Variants in SUSD3 observed in about 807,000 individuals in gnomAD.
The protein encoded by SUSD3 is sushi domain containing 3.
Under a neutral mutation model 20.6 loss-of-function variants are expected in SUSD3, and 18 were observed. The observed-to-expected ratio is 0.87, with a 90% CI of 0.60 to 1.30. SUSD3 has a LOEUF of 1.30. Ranked by LOEUF, SUSD3 falls within the 50% of genes most tolerant of loss-of-function variation. SUSD3 has a pLI of 0.00. For missense variants in SUSD3, 306 were observed against 346.9 expected (o/e 0.88, Z 0.94); for synonymous variants, 137 against 141.5 (o/e 0.97, Z 0.23).
intron 1 of SUSD3, among the ~76,000 whole-genome samples, chr9:93,071,577 G>T (rs1305157574): frequency 6.6e-6 from 1 of 152,128 alleles, no homozygotes; most frequent in Non-Finnish European, 1.5e-5. Context: ...CCAGTCCACC[G>T]ACGCAAATGT....
At chr9:93,075,202 G>T (rs972983681) in intron 1 of SUSD3, among the ~76,000 whole-genome samples, 9 of 151,810 alleles carry the variant, frequency 5.9e-5, no homozygotes, top group African/African-American at 2.2e-4. Context: ...GAACTTGTTG[G>T]TTTTTTTTAA....
At chr9:93,078,885 C>T (rs140449241) in intron 3 of SUSD3, among the ~76,000 whole-genome samples, 35 of 152,168 alleles carry the variant, frequency 2.3e-4, no homozygotes, top group African/African-American at 8.2e-4. Flanking sequence ...CTGCAAGCTC[C>T]ACCTCCTGGG....
At chr9:93,079,668 C>G (rs1213822849) in intron 4 of SUSD3, 66 bp downstream of exon 4, 6 of 1,559,132 alleles carry the variant, frequency 3.8e-6, no homozygotes, top group Non-Finnish European at 5.2e-6. Flanking sequence ...AGGCCCCGGG[C>G]CACCTGCTGC....
At chr9:93,068,328 G>C (rs534167001) in intron 1 of SUSD3, among the ~76,000 whole-genome samples, 1 of 152,222 alleles carries the variant, frequency 6.6e-6, no homozygotes, top group East Asian at 1.9e-4. Flanking sequence ...CATAGTTTTA[G>C]CTCTTACTTT....
chr9:93,066,446 C>T (rs919418647), intron 1 of SUSD3, among the ~76,000 whole-genome samples: 8 of 152,194 alleles, frequency 5.3e-5, no homozygotes, highest in East Asian at 1.9e-4. Flanking sequence ...ATTGGTCAGG[C>T]GGGTCTCAAA....
intron 1 of SUSD3, among the ~76,000 whole-genome samples, chr9:93,066,415 G>A (rs1205729765): frequency 6.6e-6 from 1 of 152,150 alleles, no homozygotes; most frequent in Admixed American, 6.5e-5. Flanking sequence ...TGTATTTTTA[G>A]TAGAGACAGG....
chr9:93,078,124 C>A, intron 3 of SUSD3, 131 bp downstream of exon 3: 1 of 1,277,528 alleles, frequency 7.8e-7, no homozygotes, highest in East Asian at 2.4e-5. Flanking sequence ...CACTGCTGCT[C>A]TGGGCCTGCG....
chr9:93,078,138 C>G (rs1242923509), intron 3 of SUSD3, 145 bp downstream of exon 3: 15 of 1,135,748 alleles, frequency 1.3e-5, no homozygotes, highest in Non-Finnish European at 1.6e-5. Flanking sequence ...GCCTGCGTCT[C>G]CCCCCCAAGT....
chr9:93,065,911 GC>G (rs1455400979), intron 1 of SUSD3, among the ~76,000 whole-genome samples: 1 of 152,242 alleles, frequency 6.6e-6, no homozygotes, highest in Admixed American at 6.5e-5. Flanking sequence ...GCCACTGGGA[GC>G]TAGGTGACCC....
At chr9:93,066,467 C>A (rs1825715571) in intron 1 of SUSD3, among the ~76,000 whole-genome samples, 1 of 152,152 alleles carries the variant, frequency 6.6e-6, no homozygotes, top group Non-Finnish European at 1.5e-5. Context: ...CTGCTGACCT[C>A]ATGATCCGCC....
chr9:93,075,013 CG>C (rs1250125957), intron 1 of SUSD3, among the ~76,000 whole-genome samples: 2 of 152,158 alleles, frequency 1.3e-5, no homozygotes, highest in Non-Finnish European at 2.9e-5. Flanking sequence ...TACCCCAGCC[CG>C]GGTACAGGGC....
At chr9:93,069,463 G>A (rs1407303598) in intron 1 of SUSD3, among the ~76,000 whole-genome samples, 1 of 152,178 alleles carries the variant, frequency 6.6e-6, no homozygotes, top group Non-Finnish European at 1.5e-5. Context: ...ATGAGCATAG[G>A]ATGTTTTCCC....
At chr9:93,068,170 T>TA (rs1825784724) in intron 1 of SUSD3, among the ~76,000 whole-genome samples, 1 of 152,250 alleles carries the variant, frequency 6.6e-6, no homozygotes, top group East Asian at 1.9e-4. Context: ...TCTTTTCACT[T>TA]TATTGAATGT....
At chr9:93,060,606 G>A (rs919838720) in intron 1 of SUSD3, among the ~76,000 whole-genome samples, 4 of 152,048 alleles carry the variant, frequency 2.6e-5, no homozygotes, top group East Asian at 1.9e-4. Flanking sequence ...TGAGGTGGGC[G>A]GATTGCTTGA....
At chr9:93,072,646 C>G (rs2118955880) in intron 1 of SUSD3, among the ~76,000 whole-genome samples, 1 of 152,268 alleles carries the variant, frequency 6.6e-6, no homozygotes, top group Admixed American at 6.5e-5. Context: ...AGTGATATGT[C>G]TCGCAGATAA....
intron 3 of SUSD3, among the ~76,000 whole-genome samples, 169 bp downstream of exon 3, chr9:93,078,162 C>T (rs1349125893): frequency 6.6e-6 from 1 of 152,252 alleles, no homozygotes; most frequent in African/African-American, 2.4e-5. Flanking sequence ...GCTCCCGGCC[C>T]ACGCAGCAGC....
At position 93,084,650 on chromosome 9, in the gene SUSD3, A is replaced by G; in HGVS notation, c.671A>G (p.Gln224Arg). The change falls in exon 5 of 5, where the codon CAG becomes CGG. Residue 224 changes from glutamine (Q) to arginine (R), a missense_variant. Physicochemically the swap from Gln to Arg is conservative, Grantham distance 43. Transcript: ENST00000375472. ...LSGSSSSPQA[Q>R]VMVHMANPRQ... ...GGCTCCTCCAGCTCACCCCAAGCCC[A>G]GGTGATGGTGCACATGGCAAACCCC... The G allele has an allele frequency of 6.2e-7, 1 of 1,608,988 alleles. No individual in the cohort carries two copies. Among genetic ancestry groups the G allele is most frequent in the Non-Finnish European group, 8.5e-7 (1 of 1,177,658 alleles).
chr9:93,061,710 G>T (rs1825511731), intron 1 of SUSD3, among the ~76,000 whole-genome samples: 1 of 152,204 alleles, frequency 6.6e-6, no homozygotes, highest in Admixed American at 6.5e-5. Context: ...GGTCTTGGGG[G>T]TCCTGTTCTC....
chr9:93,062,283 A>G (rs1825539730), intron 1 of SUSD3, among the ~76,000 whole-genome samples: 1 of 152,256 alleles, frequency 6.6e-6, no homozygotes, highest in Non-Finnish European at 1.5e-5. Flanking sequence ...TGGGAGGGCC[A>G]GGCAGGGCCT....
Sources: gnomAD v4.1 joint callset for allele counts (sites outside exome capture counted in the v4.1 genomes callset) on GRCh38, gnomAD v4.1.1 for gene constraint, MANE v1.5 for transcripts, NCBI Gene and HGNC (gene_info 2026-07-23, HGNC 2026-07-21) for gene names.